PCNX1: variants seen among roughly 807,000 people sequenced by gnomAD.
PCNX1 encodes the protein pecanex-like protein 1.
PCNX1 carries 78 observed loss-of-function variants against 242.2 expected under a neutral mutation model. That is an observed-to-expected ratio of 0.32 (90% confidence interval 0.27 to 0.39). PCNX1 has a LOEUF of 0.39. Ranked by LOEUF, PCNX1 falls within the 10% of genes least tolerant of loss-of-function variation. PCNX1 has a pLI of 1.00. For missense variants in PCNX1, 2,581 were observed against 2,856.5 expected (o/e 0.90, Z 2.20); for synonymous variants, 1,024 against 1,032.9 (o/e 0.99, Z 0.17).
chr14:71,052,023 T>C lies in PCNX1; in HGVS notation c.4577+11T>C, dbSNP rs766510133. ...GGAGAGAGACTATAAGTGAGTAAAG[T>C]AAAACACTTGAAAAACAATTTTTAT... On this transcript the variant is annotated intron_variant, in intron 24 of 35. Coordinates refer to ENST00000304743, the MANE Select transcript of PCNX1 (RefSeq NM_014982.3). The C allele has an allele frequency of 1.5e-5, 24 of 1,596,352 alleles. No homozygotes were observed. The highest frequency in any genetic ancestry group is 1.7e-4 in the Middle Eastern group (1 of 5,976).
At chr14:71,045,070 T>C (rs962211294) in intron 19 of PCNX1, 63 bp from the exon 20 acceptor site, 48 of 1,223,066 alleles carry the variant, frequency 3.9e-5, no homozygotes, top group Non-Finnish European at 5.1e-5. Context: ...ACTGACAAAT[T>C]AGAATTTCTA....
chr14:71,051,193 A>C (rs977886332), intron 23 of PCNX1, among the ~76,000 whole-genome samples: 1 of 149,368 alleles, frequency 6.7e-6, no homozygotes, highest in East Asian at 2.0e-4. Context: ...AAAAAAAAAA[A>C]AAAAATCATA....
chr14:70,953,714 A>G lies in PCNX1; in HGVS notation c.362+6591A>G, dbSNP rs923310196. ...ATTGGAGTTTCACTTTTGTCGCCCA[A>G]GCTGGAGTGCAGTGGCACAGTCTCA... On this transcript the variant is annotated intron_variant, in intron 2 of 35. Coordinates refer to ENST00000304743, the MANE Select transcript of PCNX1 (RefSeq NM_014982.3). 2.1e-5 allele frequency among the ~76,000 whole-genome samples: 3 copies of G among 144,960 alleles called. No individual in the cohort carries two copies. The South Asian group carries it at 6.4e-4, about 31-fold the overall frequency.
chr14:70,946,725 A>T (rs2057470197), intron 1 of PCNX1, among the ~76,000 whole-genome samples, 190 bp from the exon 2 acceptor site: 1 of 152,162 alleles, frequency 6.6e-6, no homozygotes, highest in African/African-American at 2.4e-5. Context: ...TATTTCAGTT[A>T]CTCAGTAGCC....
chr14:71,109,567 G>A lies in PCNX1; in HGVS notation c.6860G>A (p.Ser2287Asn). 1 of 1,614,202 alleles carries A rather than the reference G, an allele frequency of 6.2e-7. No homozygotes were observed. The highest frequency in any genetic ancestry group is 1.1e-5 in the South Asian group (1 of 91,080). Residue 2287 changes from serine to asparagine, a missense_variant, in exon 35 of 36, where the codon AGT becomes AAT. Coordinates refer to ENST00000304743, the MANE Select transcript of PCNX1 (RefSeq NM_014982.3). ...GGGAGAAATAGCTGGAAAGACTGGA[G>A]TCCGCAGGAGGGCATGGAAGGCCAT... ...KAGRNSWKDW[S>N]PQEGMEGHVI...
intron 19 of PCNX1, among the ~76,000 whole-genome samples, chr14:71,040,767 G>C (rs1411461105): frequency 1.3e-5 from 2 of 151,766 alleles, no homozygotes; most frequent in Non-Finnish European, 2.9e-5. Flanking sequence ...TCAAATACTA[G>C]ATCTTGTTCA....
intron 30 of PCNX1, among the ~76,000 whole-genome samples, chr14:71,096,462 T>A (rs1461846329): frequency 6.6e-6 from 1 of 152,168 alleles, no homozygotes; most frequent in Non-Finnish European, 1.5e-5. Context: ...CAAAGTGAGA[T>A]CCTGTCTCAA....
At chr14:71,099,849 C>G (rs148957459) in intron 30 of PCNX1, among the ~76,000 whole-genome samples, 39 of 152,124 alleles carry the variant, frequency 2.6e-4, no homozygotes, top group African/African-American at 9.4e-4. Flanking sequence ...TCCATTTTTA[C>G]TGTTGTTAAA....
intron 2 of PCNX1, among the ~76,000 whole-genome samples, chr14:70,948,623 A>G (rs2057560450): frequency 1.3e-5 from 2 of 151,272 alleles, no homozygotes; most frequent in African/African-American, 4.8e-5. Context: ...GTGTATATAT[A>G]CACATATATA....
intron 26 of PCNX1, among the ~76,000 whole-genome samples, chr14:71,061,545 C>T (rs144112249): frequency 5.6e-4 from 86 of 152,286 alleles, no homozygotes; most frequent in African/African-American, 2.0e-3. Context: ...TCAGACCTAC[C>T]ACCTGAGAAG....
chr14:70,974,633 ACT>A (rs770449568), intron 5 of PCNX1, among the ~76,000 whole-genome samples: 1 of 152,016 alleles, frequency 6.6e-6, no homozygotes, highest in Non-Finnish European at 1.5e-5. Flanking sequence ...CGCATATTTG[ACT>A]CTATCCTTTA....
chr14:71,077,191 A>C (rs1438714398), intron 28 of PCNX1, among the ~76,000 whole-genome samples: 2 of 152,180 alleles, frequency 1.3e-5, no homozygotes, highest in East Asian at 3.8e-4. Context: ...TAGGGACTTC[A>C]GCAACTACAG....
In PCNX1 at chr14:70,988,123, T is replaced by C. The variant is rs146190410; in HGVS notation, c.2312-444T>C. On this transcript the variant is annotated intron_variant, in intron 6 of 35. Transcript: ENST00000304743. ...ACTCCTTGTCATCAACAGTGAAATA[T>C]ACTGTCTTTGCTGCTTTTACAATAC... Among the ~76,000 whole-genome samples, 9 of 152,336 alleles carry C rather than the reference T, an allele frequency of 5.9e-5. No individual in the cohort carries two copies. In the East Asian group the frequency reaches 1.7e-3, roughly 29 times the overall value.
chr14:71,057,429 G>T, intron 25 of PCNX1, 80 bp from the exon 26 acceptor site: 2 of 876,454 alleles, frequency 2.3e-6, no homozygotes, highest in Non-Finnish European at 3.7e-6. Flanking sequence ...CATACTAGAA[G>T]TTTTTAATAT....
At chr14:71,040,983 G>GTA (rs1316294773) in intron 19 of PCNX1, among the ~76,000 whole-genome samples, 1 of 152,028 alleles carries the variant, frequency 6.6e-6, no homozygotes, top group Admixed American at 6.6e-5. Context: ...TCCATCCATG[G>GTA]TATAGCAAAT....
At chr14:71,109,679 C>A in intron 35 of PCNX1, 87 bp downstream of exon 35, 1 of 1,575,942 alleles carries the variant, frequency 6.3e-7, no homozygotes, top group South Asian at 1.1e-5. Flanking sequence ...CTGATTTATA[C>A]TTAAACGTAT....
chr14:71,052,064 A>G, intron 24 of PCNX1, 52 bp downstream of exon 24: 1 of 1,357,974 alleles, frequency 7.4e-7, no homozygotes, highest in Non-Finnish European at 1.0e-6. Context: ...CTACTGGGAA[A>G]AACTATTGAC....
chr14:70,948,182 A>C (rs1283082330), intron 2 of PCNX1, among the ~76,000 whole-genome samples: 3 of 151,994 alleles, frequency 2.0e-5, no homozygotes, highest in Admixed American at 2.0e-4. Flanking sequence ...GTGATATTTT[A>C]TTGCCCTTGA....
intron 1 of PCNX1, among the ~76,000 whole-genome samples, chr14:70,914,946 C>T (rs1003150535): frequency 3.9e-5 from 6 of 151,998 alleles, no homozygotes; most frequent in Non-Finnish European, 7.4e-5. Flanking sequence ...CTGAGTCAGT[C>T]CTCTCATCCT....
Sources: allele counts gnomAD v4.1 joint callset (sites outside exome capture counted in the v4.1 genomes callset), GRCh38; gene constraint gnomAD v4.1.1; transcripts MANE v1.5; gene names NCBI Gene and HGNC (gene_info 2026-07-23, HGNC 2026-07-21).